The following PTPRT variants were observed in gnomAD, a reference collection of about 807,000 sequenced individuals.
The protein encoded by PTPRT is protein tyrosine phosphatase receptor type T.
Under a neutral mutation model 176.8 loss-of-function variants are expected in PTPRT, and 56 were observed. The observed-to-expected ratio is 0.32, with a 90% confidence interval of 0.26 to 0.40. The LOEUF (loss-of-function observed/expected upper bound fraction) is 0.40, where lower values mean the gene tolerates loss of function less well. Ranked by LOEUF, PTPRT falls within the 10% of genes least tolerant of loss-of-function variation. PTPRT has a pLI of 1.00. For synonymous variants in PTPRT, 783 were observed against 739.0 expected, an observed-to-expected ratio of 1.06 and a Z score of -0.96; for missense variants, 1,540 against 1,908.2, an observed-to-expected ratio of 0.81 and a Z score of 3.60.
chr20:42,261,568 T>C (rs1404036184), intron 13 of PTPRT, among the ~76,000 whole-genome samples: 4 of 151,988 alleles, frequency 2.6e-5, no homozygotes, highest in Non-Finnish European at 4.4e-5. Context: ...CTAAATGAAA[T>C]GCAAACTCTA....
At chr20:42,068,328 A>G (rs1375421744), downstream of PTPRT, among the ~76,000 whole-genome samples, 2 of 152,226 alleles carry the variant, frequency 1.3e-5, no homozygotes, top group African/African-American at 2.4e-5. Flanking sequence ...CGTGGATGAC[A>G]TAAGCGGTTA....
intron 1 of PTPRT, among the ~76,000 whole-genome samples, chr20:43,093,701 A>C (rs1317198157): frequency 6.6e-6 from 1 of 151,992 alleles, no homozygotes; most frequent in Non-Finnish European, 1.5e-5. Context: ...TTCCCATTAC[A>C]CTTATGGAAT....
chr20:43,134,102 G>A (rs187201921), intron 1 of PTPRT, among the ~76,000 whole-genome samples: 14 of 152,290 alleles, frequency 9.2e-5, no homozygotes, highest in African/African-American at 2.6e-4. Flanking sequence ...CCACCATAAA[G>A]ATATAGTCAG....
intron 1 of PTPRT, among the ~76,000 whole-genome samples, chr20:42,939,172 A>C (rs1431798561): frequency 1.3e-5 from 2 of 152,224 alleles, no homozygotes; most frequent in Non-Finnish European, 2.9e-5. Context: ...GGCAGTGCTT[A>C]GCATACTCTG....
At chr20:43,118,160 G>C (rs1264105487) in intron 1 of PTPRT, among the ~76,000 whole-genome samples, 1 of 152,158 alleles carries the variant, frequency 6.6e-6, no homozygotes, top group African/African-American at 2.4e-5. Context: ...GTAAACAAAT[G>C]AGCAAGGCTC....
intron 7 of PTPRT, among the ~76,000 whole-genome samples, chr20:42,560,688 A>G (rs1304760178): frequency 2.0e-5 from 3 of 152,136 alleles, no homozygotes; most frequent in South Asian, 4.1e-4. Flanking sequence ...GTGGTCCTCA[A>G]TATGGATTCT....
Position 42,390,712 on chromosome 20 carries a change from C to T in PTPRT, c.1561-38427G>A, listed in dbSNP as rs60374451. Among the ~76,000 whole-genome samples the T allele has an allele frequency of 8.4e-3, 1,272 of 152,212 alleles. 23 individuals are homozygous for T. The highest frequency in any genetic ancestry group is 0.028 in the African/African-American group (1,179 of 41,536). On this transcript the variant is annotated intron_variant, in intron 9 of 30. Transcript: ENST00000373187. ...AGTCCAACCTTCAGATGACTGTAGC[C>T]CCAGCTGACATCTCAACTGCAACTT...
chr20:42,058,073 A>G, the PTPRT span, among the ~76,000 whole-genome samples: 1 of 152,120 alleles, frequency 6.6e-6, no homozygotes, highest in Non-Finnish European at 1.5e-5. Flanking sequence ...TTCCTCCTGA[A>G]TACCTGAGAC....
At chr20:42,592,775 C>A (rs956535857) in intron 7 of PTPRT, among the ~76,000 whole-genome samples, 3 of 152,128 alleles carry the variant, frequency 2.0e-5, no homozygotes, top group African/African-American at 7.2e-5. Flanking sequence ...CATCATGAGG[C>A]CTCTGAGGAC....
chr20:43,172,478 G>A (rs2146462909), intron 1 of PTPRT, among the ~76,000 whole-genome samples: 1 of 152,262 alleles, frequency 6.6e-6, no homozygotes, highest in Admixed American at 6.5e-5. Context: ...AAACATTCCT[G>A]CGTTTTCAAT....
intron 2 of PTPRT, among the ~76,000 whole-genome samples, chr20:42,864,401 T>C (rs2078711257): frequency 6.6e-6 from 1 of 152,158 alleles, no homozygotes; most frequent in African/African-American, 2.4e-5. Flanking sequence ...TTTCCATCAG[T>C]ACACAGGTTA....
At chr20:43,176,642 T>C (rs577292570) in intron 1 of PTPRT, among the ~76,000 whole-genome samples, 1 of 152,338 alleles carries the variant, frequency 6.6e-6, no homozygotes, top group South Asian at 2.1e-4. Context: ...AATGCTGACA[T>C]AAACTTACAT....
At chr20:42,795,206 G>A (rs536502819) in intron 2 of PTPRT, among the ~76,000 whole-genome samples, 40 of 151,726 alleles carry the variant, frequency 2.6e-4, no homozygotes, top group Middle Eastern at 6.8e-3. Flanking sequence ...ATCTACTAAC[G>A]TGATAAGGAA....
rs572778616 is a variant in PTPRT, at chr20:42,312,426, G to T, written c.2139+3297C>A. On this transcript the variant is annotated intron_variant, in intron 12 of 30. Coordinates refer to ENST00000373187, the MANE Select transcript of PTPRT (RefSeq NM_007050.6). Reference sequence around the variant, plus strand: ...TTTGAGAGGGACCAGGCAGAGATTTGTTAGACTGAGAATGGCTGTTCTGCT... The same window carrying T: ...TTTGAGAGGGACCAGGCAGAGATTTTTTAGACTGAGAATGGCTGTTCTGCT... 2.6e-5 allele frequency among the ~76,000 whole-genome samples: 4 copies of T among 152,288 alleles called. No individual in the cohort carries two copies. In the South Asian group the frequency reaches 8.3e-4, roughly 32 times the overall value.
chr20:42,215,116 A>G (rs2055737493), intron 15 of PTPRT, among the ~76,000 whole-genome samples: 2 of 152,246 alleles, frequency 1.3e-5, no homozygotes, highest in Non-Finnish European at 2.9e-5. Flanking sequence ...AAAGTGCTTC[A>G]AAGCAGAGTG....
At chr20:42,738,118 G>C (rs1050000205) in intron 6 of PTPRT, among the ~76,000 whole-genome samples, 1 of 152,080 alleles carries the variant, frequency 6.6e-6, no homozygotes, top group African/African-American at 2.4e-5. Flanking sequence ...CCAGAGCTGG[G>C]ATCTGAATAC....
chr20:42,166,420 A>C (rs914132217), intron 16 of PTPRT, among the ~76,000 whole-genome samples: 4 of 152,156 alleles, frequency 2.6e-5, no homozygotes, highest in Non-Finnish European at 5.9e-5. Context: ...GATTTATTTC[A>C]ATTTAAATAG....
chr20:43,147,310 A>G (rs1236988825), intron 1 of PTPRT, among the ~76,000 whole-genome samples: 1 of 152,072 alleles, frequency 6.6e-6, no homozygotes, highest in East Asian at 1.9e-4. Flanking sequence ...TCATCAGCAA[A>G]ATGGAAAGCA....
rs574611982 is a variant in PTPRT, at chr20:42,399,277, A to G, written c.1561-46992T>C. On this transcript the variant is annotated intron_variant, in intron 9 of 30. Transcript: ENST00000373187. ...GTATGATTCACTGAGAACCATTACTATAACACTTTATGCATTGTAACAGAT... is the reference window on the plus strand; with the variant it reads ...GTATGATTCACTGAGAACCATTACTGTAACACTTTATGCATTGTAACAGAT... Among the ~76,000 whole-genome samples, 12 of 152,368 alleles carry G rather than the reference A, an allele frequency of 7.9e-5. No homozygotes were observed. The East Asian group carries it at 1.7e-3, about 22-fold the overall frequency.
Sources: gnomAD v4.1 joint callset for allele counts (sites outside exome capture counted in the v4.1 genomes callset) on GRCh38, gnomAD v4.1.1 for gene constraint, MANE v1.5 for transcripts, NCBI Gene and HGNC (gene_info 2026-07-23, HGNC 2026-07-21) for gene names.